The following TUBE1 variants were observed in gnomAD, a reference collection of about 807,000 sequenced individuals.
The protein encoded by TUBE1 is tubulin epsilon 1, also known as tubulin epsilon chain.
In TUBE1, 34 loss-of-function variants were observed where a neutral mutation model predicts 53.5. The ratio of observed to expected loss-of-function variants is 0.64; its 90% CI spans 0.48 to 0.85. The LOEUF (loss-of-function observed/expected upper bound fraction) is 0.85. Among genes scored for constraint, TUBE1 ranks in the 40% least tolerant of loss-of-function variants. The pLI is 0.00. For missense variants in TUBE1, 532 were observed against 570.5 expected (o/e 0.93, Z 0.69); for synonymous variants, 177 against 198.4 (o/e 0.89, Z 0.91).
chr6:112,071,983 T>A lies in TUBE1; in HGVS notation c.1188A>T (p.Leu396Phe), dbSNP rs1554315405. 2 of 1,613,290 alleles carry A rather than the reference T, an allele frequency of 1.2e-6. No homozygotes were observed. Among genetic ancestry groups the A allele is most frequent in the South Asian group, 2.2e-5 (2 of 91,022 alleles). ...CACATGTGTTATTTGCTAAAGCTAA[T>A]AACGAATGAGAATGGCCCACAGGAG... ...SVPPVGHSHS[L>F]LALANNTCVK... Residue 396 changes from leucine to phenylalanine, a missense_variant, in exon 11 of 12, where the codon TTA becomes TTT. Leu to Phe is a conservative substitution (Grantham distance 22, BLOSUM62 0). Transcript: ENST00000368662.
rs781988567 is a variant in TUBE1 at position 112,076,128 on chromosome 6, C to T, written c.637-16G>A. On this transcript the variant is annotated splice_polypyrimidine_tract_variant and intron_variant, in intron 7 of 11. Coordinates refer to ENST00000368662, the MANE Select transcript of TUBE1 (RefSeq NM_016262.5). Reference sequence around the variant, plus strand: ...CAAATAAAGACTTTTGAGGGAAAAACATTGGGAGAGAAGCTATTAAGAAGA... The same window carrying T: ...CAAATAAAGACTTTTGAGGGAAAAATATTGGGAGAGAAGCTATTAAGAAGA... 1.0e-5 allele frequency: 16 copies of T among 1,603,492 alleles called. No homozygotes were observed. In the South Asian group the frequency reaches 1.7e-4, roughly 17 times the overall value.
intron 5 of TUBE1, 41 bp from the exon 6 acceptor site, chr6:112,079,795 ATTTTT>A (rs782216042): frequency 6.4e-7 from 1 of 1,573,962 alleles, no homozygotes; most frequent in African/African-American, 1.4e-5. Flanking sequence ...CCTTGCATTT[ATTTTT>A]TTATTTGATT....
chr6:112,086,685 A>AG, intron 2 of TUBE1, 77 bp from the exon 3 acceptor site: 3 of 943,666 alleles, frequency 3.2e-6, no homozygotes, highest in Non-Finnish European at 5.0e-6. Context: ...TTTTAATTAC[A>AG]TAATACTGTA....
At chr6:112,087,384 G>A in intron 1 of TUBE1, 26 bp downstream of exon 1, 1 of 1,551,480 alleles carries the variant, frequency 6.4e-7, no homozygotes, top group Middle Eastern at 1.7e-4. Flanking sequence ...CGGCGACCAG[G>A]TCTCTACCCG....
In TUBE1 at chr6:112,075,940, G is replaced by A. The variant is rs376900146; in HGVS notation, c.809C>T (p.Thr270Met). 27 of 1,607,316 alleles carry A rather than the reference G, an allele frequency of 1.7e-5. No homozygotes were observed. The highest frequency in any genetic ancestry group is 1.2e-4 in the African/African-American group (9 of 74,716). The change falls in exon 8 of 12, where the codon ACG becomes ATG. Residue 270 changes from threonine to methionine, a missense_variant. Physicochemically the swap from Thr to Met is moderately conservative, Grantham distance 81. Coordinates refer to ENST00000368662, the MANE Select transcript of TUBE1 (RefSeq NM_016262.5). ...GACTATCCCTGGATAGAATTACCTC[G>A]TTAGGTTGAGGAGCAAATTTGCCAC... is the stretch of plus-strand genomic sequence containing the variant. ...NIVANLLLNLTSSARFEGSLN... is the reference protein window; with the variant it reads ...NIVANLLLNLMSSARFEGSLN...
At chr6:112,079,503 C>T in intron 6 of TUBE1, 130 bp downstream of exon 6, 2 of 794,398 alleles carry the variant, frequency 2.5e-6, no homozygotes, top group Non-Finnish European at 3.8e-6. Flanking sequence ...TGTTTATATA[C>T]TCAAACTACA....
chr6:112,086,517 T>G (rs1360520557), intron 3 of TUBE1, 39 bp downstream of exon 3: 2 of 1,518,538 alleles, frequency 1.3e-6, no homozygotes, highest in African/African-American at 2.8e-5. Context: ...TACTGAAACT[T>G]AAAGTATCAC....
At chr6:112,071,853 T>G (rs782057928) in intron 11 of TUBE1, 49 bp downstream of exon 11, 71 of 1,522,932 alleles carry the variant, frequency 4.7e-5, no homozygotes, top group Non-Finnish European at 6.2e-5. Flanking sequence ...GAATACATCT[T>G]AAATAGCCAA....
At chr6:112,085,004 C>T (rs1167895656) in intron 3 of TUBE1, among the ~76,000 whole-genome samples, 1 of 152,160 alleles carries the variant, frequency 6.6e-6, no homozygotes, top group East Asian at 1.9e-4. Flanking sequence ...AAATTTTATT[C>T]AAATGTGGAC....
At chr6:112,076,199 T>A (rs1776965004) in intron 7 of TUBE1, 87 bp from the exon 8 acceptor site, 1 of 1,479,112 alleles carries the variant, frequency 6.8e-7, no homozygotes, top group African/African-American at 1.4e-5. Flanking sequence ...GAAAAACAAT[T>A]TAAACTGATT....
At position 112,076,450 on chromosome 6, in the gene TUBE1, C is replaced by G; in HGVS notation, c.508G>C (p.Val170Leu). ...LKVLEDEFPE[V>L]YRFVTSIYPS... ...TAAATGGAAGTCACAAATCTGTATA[C>G]TTCTGGGAATTCGTCTTCAAGCACC... The change falls in exon 7 of 12, where the codon GTA (valine) becomes CTA (leucine). Residue 170 changes from valine to leucine, a missense_variant. Transcript: ENST00000368662. 2 of 1,613,428 alleles carry G rather than the reference C, an allele frequency of 1.2e-6. No homozygotes were observed. Among genetic ancestry groups the G allele is most frequent in the Non-Finnish European group, 1.7e-6 (2 of 1,179,688 alleles).
At chr6:112,085,765 G>A in intron 3 of TUBE1, 1 of 467,914 alleles carries the variant, frequency 2.1e-6, no homozygotes, top group Non-Finnish European at 4.4e-6. Context: ...AAAGTAATGT[G>A]CCTATGAAAA....
chr6:112,076,598 G>T (rs958187596), intron 6 of TUBE1, 89 bp from the exon 7 acceptor site: 11 of 1,165,780 alleles, frequency 9.4e-6, no homozygotes, highest in African/African-American at 1.6e-5. Flanking sequence ...TTGAGACAGG[G>T]TCTTGCTCTG....
At position 112,076,118 on chromosome 6, in the gene TUBE1, G is replaced by A. The variant is rs1379584486; in HGVS notation, c.637-6C>T. On this transcript the variant is annotated splice_polypyrimidine_tract_variant and splice_region_variant and intron_variant, in intron 7 of 11. Transcript: ENST00000368662. ...CTAATGATGTCAAATAAAGACTTTT[G>A]AGGGAAAAACATTGGGAGAGAAGCT... 6.2e-7 allele frequency: 1 copy of A among 1,607,862 alleles called. No homozygotes were observed. The highest frequency in any genetic ancestry group is 8.5e-7 in the Non-Finnish European group (1 of 1,176,524).
At chr6:112,082,152 T>C (rs1777081444) in intron 4 of TUBE1, among the ~76,000 whole-genome samples, 1 of 152,140 alleles carries the variant, frequency 6.6e-6, no homozygotes, top group Non-Finnish European at 1.5e-5. Context: ...ATTAAAATAA[T>C]ACAGCAGTAT....
At chr6:112,086,714 T>C in intron 2 of TUBE1, 106 bp from the exon 3 acceptor site, 1 of 714,988 alleles carries the variant, frequency 1.4e-6, no homozygotes, top group Non-Finnish European at 2.3e-6. Flanking sequence ...GATGAGACTC[T>C]GATAAGAAAA....
intron 6 of TUBE1, chr6:112,078,113 G>A (rs2114485087): frequency 6.6e-6 from 1 of 152,138 alleles, no homozygotes; most frequent in South Asian, 2.1e-4. Context: ...GCTAGTGTAG[G>A]GAAATAGAAA....
chr6:112,081,059 A>C, intron 5 of TUBE1, 33 bp downstream of exon 5: 4 of 1,301,224 alleles, frequency 3.1e-6, no homozygotes, highest in Non-Finnish European at 4.4e-6. Context: ...TTTTTTTCAG[A>C]AGATATTCAA....
At chr6:112,087,154 G>C (rs1777175553) in intron 2 of TUBE1, 79 bp downstream of exon 2, 3 of 1,289,692 alleles carry the variant, frequency 2.3e-6, no homozygotes, top group Non-Finnish European at 2.2e-6. Flanking sequence ...TCAGATGAAA[G>C]CTCAAGTCGA....
Sources: gnomAD v4.1 joint callset for allele counts (sites outside exome capture counted in the v4.1 genomes callset) on GRCh38, gnomAD v4.1.1 for gene constraint, MANE v1.5 for transcripts, NCBI Gene and HGNC (gene_info 2026-07-23, HGNC 2026-07-21) for gene names.